SGMS1: variants seen among roughly 807,000 people sequenced by gnomAD.
SGMS1 encodes the protein sphingomyelin synthase 1, also known as phosphatidylcholine:ceramide cholinephosphotransferase 1.
In SGMS1, 13 loss-of-function variants were observed where a neutral mutation model predicts 46.2. The ratio of observed to expected loss-of-function variants is 0.28; its 90% CI spans 0.18 to 0.45. The LOEUF (loss-of-function observed/expected upper bound fraction) is 0.45, where lower values mean the gene tolerates loss of function less well. Ranked by LOEUF, SGMS1 falls within the 20% of genes least tolerant of loss-of-function variation. SGMS1 has a pLI of 1.00. For synonymous variants in SGMS1, 203 were observed against 187.8 expected (o/e 1.08, Z -0.66); for missense variants, 324 against 519.9 (o/e 0.62, Z 3.66).
intron 3 of SGMS1, among the ~76,000 whole-genome samples, chr10:50,515,498 CT>C (rs1326316886): frequency 6.6e-6 from 1 of 152,244 alleles, no homozygotes; most frequent in African/African-American, 2.4e-5. Flanking sequence ...CCAGTTACTG[CT>C]TTGCCAAATC....
At chr10:50,313,778 GT>G (rs1170889489) in intron 8 of SGMS1, among the ~76,000 whole-genome samples, 1 of 152,140 alleles carries the variant, frequency 6.6e-6, no homozygotes, top group Non-Finnish European at 1.5e-5. Flanking sequence ...AATCTTTGTG[GT>G]GAAACAATGT....
rs1838400721 is a variant in SGMS1, at chr10:50,578,060, G to A, written c.-589+12093C>T. The stretch of plus-strand genomic sequence containing the variant: ...ACTGAGCTTATCACCTCAAGGAGCA[G>A]ATCATGAAATAATCCAAGGTCAGTT... On this transcript the variant is annotated intron_variant, in intron 2 of 10. Transcript: ENST00000361781. Among the ~76,000 whole-genome samples, 4 of 152,338 alleles carry A rather than the reference G, an allele frequency of 2.6e-5. No individual in the cohort carries two copies. The South Asian group carries it at 8.3e-4, about 32-fold the overall frequency.
intron 2 of SGMS1, among the ~76,000 whole-genome samples, chr10:50,555,990 C>T (rs1038153785): frequency 4.6e-5 from 7 of 152,146 alleles, no homozygotes; most frequent in Non-Finnish European, 1.0e-4. Context: ...AGGGAATATT[C>T]CAGAATGCTC....
rs903884985 is a variant in SGMS1, at chr10:50,341,566, T to C, written c.623+1926A>G. 6 of 393,546 alleles carry C rather than the reference T, an allele frequency of 1.5e-5. No individual in the cohort carries two copies. In the East Asian group the frequency reaches 4.3e-4, roughly 28 times the overall value. 24.4% of individuals were successfully genotyped at this position (393,546 alleles called of 1,614,324 possible). A position where few individuals can be genotyped will look rare whatever the true frequency, so the allele number is the denominator to read the frequency against. ...TAGAATCTAATAAAATGTAGTTGTATATATATATGACAACAGAAATCATCT... is the reference window on the plus strand; with the variant it reads ...TAGAATCTAATAAAATGTAGTTGTACATATATATGACAACAGAAATCATCT... On this transcript the variant is annotated intron_variant, in intron 7 of 10. Transcript: ENST00000361781.
In SGMS1 at chr10:50,372,288, T is replaced by C. The variant is rs183520317; in HGVS notation, c.-231-27943A>G. 2.8e-3 allele frequency among the ~76,000 whole-genome samples: 433 copies of C among 152,370 alleles called. 5 individuals are homozygous for C. The highest frequency in any genetic ancestry group is 0.024 in the Admixed American group (375 of 15,310). ...ATTCTTCACAGTATGAGACCTATTA[T>C]ATTAACTTCCTTAAAACTTACTTTT... On this transcript the variant is annotated intron_variant, in intron 6 of 10. Coordinates refer to ENST00000361781, the MANE Select transcript of SGMS1 (RefSeq NM_147156.4).
chr10:50,509,735 A>G (rs1837737981), intron 3 of SGMS1, among the ~76,000 whole-genome samples: 1 of 152,216 alleles, frequency 6.6e-6, no homozygotes, highest in Non-Finnish European at 1.5e-5. Context: ...AAGCCAGAGT[A>G]CTGAAAGGGC....
rs535364144 is a variant in SGMS1 at position 50,495,237 on chromosome 10, T to G, written c.-498+24594A>C. Among the ~76,000 whole-genome samples the G allele has an allele frequency of 3.7e-4, 6 of 16,176 alleles. No homozygotes were observed. The South Asian group carries it at 7.3e-3, about 20-fold the overall frequency. The allele number at this position is 16,176 out of a possible 152,430, so 10.6% of individuals were successfully genotyped here. A position where few individuals can be genotyped will look rare whatever the true frequency, so the allele number is the denominator to read the frequency against. On this transcript the variant is annotated intron_variant, in intron 3 of 10. Coordinates refer to ENST00000361781, the MANE Select transcript of SGMS1 (RefSeq NM_147156.4). Reference sequence around the variant, plus strand: ...TGGGCAGCAGAGTGAAGATTCCGTCTCAAAAAAAAAAAAAAAAAAGTTAAG... The same window carrying G: ...TGGGCAGCAGAGTGAAGATTCCGTCGCAAAAAAAAAAAAAAAAAAGTTAAG...
intron 2 of SGMS1, among the ~76,000 whole-genome samples, chr10:50,523,896 C>T (rs141553232): frequency 2.6e-5 from 4 of 152,262 alleles, no homozygotes; most frequent in African/African-American, 9.6e-5. Context: ...TCAAGGCACA[C>T]GTGTGCACAT....
At chr10:50,445,365 C>T (rs958201217) in intron 5 of SGMS1, among the ~76,000 whole-genome samples, 1 of 152,120 alleles carries the variant, frequency 6.6e-6, no homozygotes, top group African/African-American at 2.4e-5. Flanking sequence ...TAAGAACACA[C>T]TCAAAAGACA....
At chr10:50,355,347 G>A (rs1249300295) in intron 6 of SGMS1, among the ~76,000 whole-genome samples, 6 of 152,266 alleles carry the variant, frequency 3.9e-5, no homozygotes, top group Non-Finnish European at 5.9e-5. Context: ...CTGTACTGCC[G>A]CCATCTCGGC....
intron 6 of SGMS1, among the ~76,000 whole-genome samples, chr10:50,352,657 G>C (rs901269308): frequency 6.6e-6 from 1 of 152,132 alleles, no homozygotes; most frequent in South Asian, 2.1e-4. Context: ...CTTGGGGCTA[G>C]ACCAAGACCC....
chr10:50,565,002 C>A (rs1238012805), intron 2 of SGMS1, among the ~76,000 whole-genome samples: 1 of 152,092 alleles, frequency 6.6e-6, no homozygotes, highest in African/African-American at 2.4e-5. Context: ...TTTCTCCAGC[C>A]CCATATTGTA....
chr10:50,372,985 A>G (rs1335087208), intron 6 of SGMS1, among the ~76,000 whole-genome samples: 1 of 152,206 alleles, frequency 6.6e-6, no homozygotes, highest in Admixed American at 6.5e-5. Context: ...CATTTGTACA[A>G]TGATAAAATA....
intron 2 of SGMS1, among the ~76,000 whole-genome samples, chr10:50,533,746 C>T (rs1166851055): frequency 6.6e-6 from 1 of 151,564 alleles, no homozygotes; most frequent in African/African-American, 2.4e-5. Context: ...AAACACTAAG[C>T]CTTAAATAGG....
Position 50,365,255 on chromosome 10 carries a change from C to CAAAAAAAAAAAAAAAAAAAAA in SGMS1, c.-231-20931_-231-20911dup, listed in dbSNP as rs67951872. ...GCGACGGAGTGAGACTCCATCTCAC[C>CAAAAAAAAAAAAAAAAAAAAA]AAAAAAAAAAAAAAAAAAAAAAAGC... On this transcript the variant is annotated intron_variant, in intron 6 of 10. Coordinates refer to ENST00000361781, the MANE Select transcript of SGMS1 (RefSeq NM_147156.4). Among the ~76,000 whole-genome samples, 325 of 45,030 alleles carry CAAAAAAAAAAAAAAAAAAAAA rather than the reference C, an allele frequency of 7.2e-3. 16 individuals are homozygous for CAAAAAAAAAAAAAAAAAAAAA. Among genetic ancestry groups the CAAAAAAAAAAAAAAAAAAAAA allele is most frequent in the Middle Eastern group, 0.021 (1 of 48 alleles). 29.5% of individuals were successfully genotyped at this position (45,030 alleles called of 152,430 possible).
At chr10:50,478,348 A>G (rs1837446847) in intron 3 of SGMS1, among the ~76,000 whole-genome samples, 1 of 152,240 alleles carries the variant, frequency 6.6e-6, no homozygotes, top group South Asian at 2.1e-4. Context: ...TTTCTGAACT[A>G]AATAGCTATA....
chr10:50,480,763 G>A (rs1175509068), intron 3 of SGMS1, among the ~76,000 whole-genome samples: 1 of 152,136 alleles, frequency 6.6e-6, no homozygotes, highest in Non-Finnish European at 1.5e-5. Flanking sequence ...AGATGACTGA[G>A]TTCCTGTCGG....
At chr10:50,413,064 G>A (rs570167467) in intron 6 of SGMS1, among the ~76,000 whole-genome samples, 1 of 151,958 alleles carries the variant, frequency 6.6e-6, no homozygotes, top group South Asian at 2.1e-4. Flanking sequence ...ATTTTAAAAA[G>A]CATCAGTCAA....
chr10:50,361,026 T>A (rs1848239564), intron 6 of SGMS1, among the ~76,000 whole-genome samples: 1 of 152,188 alleles, frequency 6.6e-6, no homozygotes, highest in African/African-American at 2.4e-5. Context: ...TAAAACTACC[T>A]CTATCTACTC....
Sources: allele counts gnomAD v4.1 joint callset (sites outside exome capture counted in the v4.1 genomes callset), GRCh38; gene constraint gnomAD v4.1.1; transcripts MANE v1.5; gene names NCBI Gene and HGNC (gene_info 2026-07-23, HGNC 2026-07-21).